LPAR3: variants seen among roughly 807,000 people sequenced by gnomAD.
LPAR3 encodes the protein lysophosphatidic acid receptor 3.
LPAR3 carries 7 observed loss-of-function variants against 17.8 expected under a neutral mutation model. That is an observed-to-expected ratio of 0.39 (90% CI 0.22 to 0.74). LPAR3 has a LOEUF of 0.74. Ranked by LOEUF, LPAR3 falls within the 30% of genes least tolerant of loss-of-function variation. The pLI, the probability that LPAR3 is intolerant of heterozygous loss-of-function variation, is 0.40. For missense variants in LPAR3, 391 were observed against 453.4 expected, an observed-to-expected ratio of 0.86 and a Z score of 1.25; for synonymous variants, 179 against 179.9, an observed-to-expected ratio of 0.99 and a Z score of 0.04.
In LPAR3 at chr1:84,814,493, C is replaced by A. The variant is rs868727733; in HGVS notation, c.737-322G>T. 2.0e-5 allele frequency among the ~76,000 whole-genome samples: 3 copies of A among 152,296 alleles called. No individual in the cohort carries two copies. In the South Asian group the frequency reaches 6.2e-4, roughly 32 times the overall value. Reference sequence around the variant, plus strand: ...GCATGATCTCCGTTAGTTCTCTGAACCACACTGGGAGGCTTTGTTGCACTC... The same window carrying A: ...GCATGATCTCCGTTAGTTCTCTGAAACACACTGGGAGGCTTTGTTGCACTC... On this transcript the variant is annotated intron_variant, in intron 2 of 2. Coordinates refer to ENST00000370611, the MANE Select transcript of LPAR3 (RefSeq NM_012152.3).
chr1:84,824,794 CCACACATGTGTGCG>C (rs1659122044), intron 2 of LPAR3, among the ~76,000 whole-genome samples: 1 of 152,132 alleles, frequency 6.6e-6, no homozygotes, highest in South Asian at 2.1e-4. Flanking sequence ...TGCTGTGTGC[CCACACATGTGTGCG>C]CACACAATTT....
intron 1 of LPAR3, among the ~76,000 whole-genome samples, chr1:84,868,299 G>A (rs577133541): frequency 3.7e-4 from 57 of 152,166 alleles, no homozygotes; most frequent in African/African-American, 7.0e-4. Flanking sequence ...TAGTAGAGAC[G>A]GGGTTTCACC....
chr1:84,849,372 C>A (rs1217770001), intron 2 of LPAR3, among the ~76,000 whole-genome samples: 794 of 77,182 alleles, frequency 0.01, no homozygotes, highest in East Asian at 0.017. Flanking sequence ...AGACTCATCT[C>A]AAAAAAAAAA....
chr1:84,821,795 T>C (rs1476413176), intron 2 of LPAR3, among the ~76,000 whole-genome samples: 16 of 152,100 alleles, frequency 1.1e-4, no homozygotes. Context: ...TGAGACCTGA[T>C]GAATATTTGG....
At chr1:84,887,357 C>T (rs1660480903) in intron 1 of LPAR3, among the ~76,000 whole-genome samples, 1 of 147,790 alleles carries the variant, frequency 6.8e-6, no homozygotes, top group Non-Finnish European at 1.5e-5. Context: ...AGCATGGCAA[C>T]AGAGTGAGAC....
At chr1:84,846,536 T>TCCA (rs1375915836) in intron 2 of LPAR3, among the ~76,000 whole-genome samples, 1 of 152,154 alleles carries the variant, frequency 6.6e-6, no homozygotes, top group Non-Finnish European at 1.5e-5. Context: ...CATGAAGCAT[T>TCCA]CTCTAAAATA....
At chr1:84,879,316 C>CTTTTTTCTTTTTTTTTTTTTTTTTTCTTT (rs1553149965) in intron 1 of LPAR3, among the ~76,000 whole-genome samples, 1 of 120,602 alleles carries the variant, frequency 8.3e-6, no homozygotes, top group Non-Finnish European at 1.6e-5. Flanking sequence ...TTTCTTTTTT[C>CTTTTTTCTTTTTTTTTTTTTTTTTTCTTT]TTTTTTTTTT....
chr1:84,892,810 A>G (rs1660576903), intron 1 of LPAR3, among the ~76,000 whole-genome samples: 1 of 152,230 alleles, frequency 6.6e-6, no homozygotes, highest in Non-Finnish European at 1.5e-5. Context: ...AAAAGGTGGG[A>G]AAAGAGCAAG....
intron 2 of LPAR3, among the ~76,000 whole-genome samples, chr1:84,837,301 G>A (rs1277639945): frequency 2.0e-5 from 3 of 152,192 alleles, no homozygotes; most frequent in Non-Finnish European, 2.9e-5. Context: ...GATTACAGGC[G>A]TAAGCCACCG....
intron 1 of LPAR3, among the ~76,000 whole-genome samples, chr1:84,867,474 T>C (rs1453403422): frequency 1.3e-5 from 2 of 152,168 alleles, no homozygotes; most frequent in Non-Finnish European, 2.9e-5. Context: ...TTCTGAAATC[T>C]AATACCACAA....
intron 2 of LPAR3, among the ~76,000 whole-genome samples, chr1:84,834,250 G>A (rs1404323912): frequency 6.6e-6 from 1 of 152,184 alleles, no homozygotes; most frequent in Non-Finnish European, 1.5e-5. Context: ...CACAGTGCCT[G>A]TCATAAGGCA....
chr1:84,883,406 G>T lies in LPAR3; in HGVS notation c.-19+9610C>A, dbSNP rs148736903. ...AGCTGGTGTTTTTCATTACCTTTTA[G>T]TCCCAGAGTCCCAGATGAATGTGTA... is the stretch of plus-strand genomic sequence containing the variant. On this transcript the variant is annotated intron_variant, in intron 1 of 2. Transcript: ENST00000370611. Among the ~76,000 whole-genome samples, 788 of 152,262 alleles carry T rather than the reference G, an allele frequency of 5.2e-3. 8 individuals are homozygous for T. Among genetic ancestry groups the T allele is most frequent in the African/African-American group, 0.018 (740 of 41,554 alleles).
At chr1:84,847,769 T>C (rs1659619541) in intron 2 of LPAR3, among the ~76,000 whole-genome samples, 2 of 152,236 alleles carry the variant, frequency 1.3e-5, no homozygotes, top group South Asian at 4.1e-4. Flanking sequence ...CTACCCTTCC[T>C]GATTCCCAAC....
chr1:84,861,354 T>C (rs1010042012), intron 2 of LPAR3, among the ~76,000 whole-genome samples: 1 of 152,194 alleles, frequency 6.6e-6, no homozygotes, highest in African/African-American at 2.4e-5. Context: ...AGAGGCTCTG[T>C]GCTTGGATCC....
chr1:84,857,041 G>A (rs908420648), intron 2 of LPAR3, among the ~76,000 whole-genome samples: 1 of 152,066 alleles, frequency 6.6e-6, no homozygotes, highest in Admixed American at 6.6e-5. Flanking sequence ...TAACAGAGCT[G>A]GTACCATTTG....
intron 2 of LPAR3, among the ~76,000 whole-genome samples, chr1:84,851,603 T>C (rs545167593): frequency 6.6e-6 from 1 of 152,316 alleles, no homozygotes; most frequent in African/African-American, 2.4e-5. Context: ...AACTCTGCCT[T>C]GGGGAGTCAG....
intron 1 of LPAR3, 110 bp from the exon 2 acceptor site, chr1:84,866,248 G>T: frequency 2.6e-6 from 2 of 774,736 alleles, no homozygotes; most frequent in Non-Finnish European, 2.1e-6. Flanking sequence ...GGGAGTTGAA[G>T]ACCTGAAGTG....
chr1:84,864,539 C>G (rs1433935142), intron 2 of LPAR3, among the ~76,000 whole-genome samples: 1 of 152,188 alleles, frequency 6.6e-6, no homozygotes, highest in Non-Finnish European at 1.5e-5. Flanking sequence ...GATCATGTCA[C>G]TCCCCTGTTT....
chr1:84,845,971 TAA>T (rs1390195592), intron 2 of LPAR3, among the ~76,000 whole-genome samples: 3 of 152,290 alleles, frequency 2.0e-5, no homozygotes, highest in African/African-American at 7.2e-5. Context: ...GCCACAATCC[TAA>T]GTCATTACTC....
Sources: gnomAD v4.1 joint callset for allele counts (sites outside exome capture counted in the v4.1 genomes callset) on GRCh38, gnomAD v4.1.1 for gene constraint, MANE v1.5 for transcripts, NCBI Gene and HGNC (gene_info 2026-07-23, HGNC 2026-07-21) for gene names.